The following NOX4 variants were observed in gnomAD, a reference collection of about 807,000 sequenced individuals.
NOX4 encodes kidney oxidase-1.
A neutral mutation model predicts 87.6 loss-of-function variants in NOX4; 69 were observed. The observed-to-expected ratio is 0.79, with a 90% confidence interval of 0.65 to 0.96. NOX4 has a LOEUF of 0.96. Among genes scored for constraint, NOX4 ranks in the 40% least tolerant of loss-of-function variants. The pLI is 0.00. For synonymous variants in NOX4, 275 were observed against 238.2 expected, an observed-to-expected ratio of 1.15 and a Z score of -1.42; for missense variants, 680 against 681.5, an observed-to-expected ratio of 1.00 and a Z score of 0.02.
intron 13 of NOX4, among the ~76,000 whole-genome samples, chr11:89,354,617 C>A (rs113556550): frequency 8.9e-4 from 135 of 152,162 alleles, no homozygotes; most frequent in African/African-American, 3.1e-3. Flanking sequence ...ATTTAAAGGA[C>A]AGTAAATAGA....
intron 14 of NOX4, 60 bp downstream of exon 14, chr11:89,342,014 G>C (rs538560840): frequency 6.7e-6 from 9 of 1,339,436 alleles, no homozygotes; most frequent in South Asian, 5.3e-5. Flanking sequence ...TAAAAAGAGA[G>C]ATATCAGAAA....
chr11:89,502,714 G>A (rs191334460), upstream of NOX4, among the ~76,000 whole-genome samples: 10 of 152,142 alleles, frequency 6.6e-5, no homozygotes, highest in East Asian at 1.9e-3. Context: ...TATTTTTGAT[G>A]TTGAGAAACA....
chr11:89,405,422 T>C (rs1005594733), intron 8 of NOX4, among the ~76,000 whole-genome samples: 2 of 152,094 alleles, frequency 1.3e-5, no homozygotes, highest in African/African-American at 4.8e-5. Flanking sequence ...CCATTAAAAC[T>C]GTCCTTACTT....
chr11:89,583,395 T>A, the NOX4 span, among the ~76,000 whole-genome samples: 1 of 152,196 alleles, frequency 6.6e-6, no homozygotes, highest in Admixed American at 6.5e-5. Flanking sequence ...CTTTCTTGAA[T>A]GGGATAAGTG....
chr11:89,374,576 T>C (rs991207548), intron 11 of NOX4, among the ~76,000 whole-genome samples: 1 of 152,132 alleles, frequency 6.6e-6, no homozygotes, highest in African/African-American at 2.4e-5. Context: ...AATTGAGTAA[T>C]TAAGGCTTAA....
chr11:89,402,755 T>C (rs1419590749), intron 8 of NOX4, among the ~76,000 whole-genome samples: 1 of 152,138 alleles, frequency 6.6e-6, no homozygotes, highest in African/African-American at 2.4e-5. Context: ...AAAACAAAAA[T>C]TTTGGCACTC....
At chr11:89,466,196 C>T (rs1270208116) in intron 2 of NOX4, among the ~76,000 whole-genome samples, 2 of 152,096 alleles carry the variant, frequency 1.3e-5, no homozygotes, top group African/African-American at 4.8e-5. Flanking sequence ...TTATACCAGC[C>T]TGAACCAAGA....
intron 2 of NOX4, among the ~76,000 whole-genome samples, chr11:89,484,977 G>T (rs1244145631): frequency 6.6e-6 from 1 of 152,052 alleles, no homozygotes; most frequent in Non-Finnish European, 1.5e-5. Context: ...ATTCTCAGCA[G>T]AATTAAAGCT....
At chr11:89,568,269 T>C in the NOX4 span, among the ~76,000 whole-genome samples, 2 of 152,038 alleles carry the variant, frequency 1.3e-5, no homozygotes, top group East Asian at 3.9e-4. Flanking sequence ...AAATTGAGAT[T>C]AAAATAAATA....
intron 2 of NOX4, among the ~76,000 whole-genome samples, chr11:89,481,072 T>C (rs965422195): frequency 2.0e-5 from 3 of 151,970 alleles, no homozygotes; most frequent in Admixed American, 1.3e-4. Flanking sequence ...ATGTTCCTAC[T>C]GACGAGCAAA....
chr11:89,553,127 A>G, the NOX4 span, among the ~76,000 whole-genome samples: 1 of 152,138 alleles, frequency 6.6e-6, no homozygotes, highest in Non-Finnish European at 1.5e-5. Flanking sequence ...TCCAACACAG[A>G]CAAGAGAACC....
chr11:89,459,848 T>TCA (rs1945370855), intron 2 of NOX4, among the ~76,000 whole-genome samples: 1 of 151,874 alleles, frequency 6.6e-6, no homozygotes, highest in Admixed American at 6.6e-5. Context: ...AGCCCACAAT[T>TCA]CCAAGTCAAT....
At chr11:89,336,597 A>C (rs951273596) in intron 16 of NOX4, among the ~76,000 whole-genome samples, 1 of 151,998 alleles carries the variant, frequency 6.6e-6, no homozygotes, top group Non-Finnish European at 1.5e-5. Context: ...GAAGAGTCAG[A>C]GTGAACTGCG....
intron 12 of NOX4, among the ~76,000 whole-genome samples, chr11:89,367,775 G>C (rs1381035860): frequency 6.6e-6 from 1 of 151,902 alleles, no homozygotes; most frequent in African/African-American, 2.4e-5. Context: ...TTTGGGAAAC[G>C]ACCAAGTTTC....
At chr11:89,463,711 G>C (rs1289221111) in intron 2 of NOX4, among the ~76,000 whole-genome samples, 1 of 151,858 alleles carries the variant, frequency 6.6e-6, no homozygotes, top group Non-Finnish European at 1.5e-5. Context: ...AATATGTCCA[G>C]TTAGGTTATT....
At chr11:89,542,525 A>T in the NOX4 span, among the ~76,000 whole-genome samples, 1 of 152,226 alleles carries the variant, frequency 6.6e-6, no homozygotes, top group African/African-American at 2.4e-5. Flanking sequence ...GTTGCAAAGT[A>T]ATAAAATATT....
chr11:89,335,523 C>T (rs1217596136), intron 17 of NOX4, among the ~76,000 whole-genome samples: 10 of 151,628 alleles, frequency 6.6e-5, no homozygotes, highest in Non-Finnish European at 3.0e-5. Context: ...ATTTTGAAAA[C>T]TTTTCCTAGG....
the NOX4 span, among the ~76,000 whole-genome samples, chr11:89,531,896 G>C: frequency 3.3e-5 from 5 of 152,224 alleles, no homozygotes; most frequent in African/African-American, 1.2e-4. Context: ...CTCCAACCAT[G>C]GCTAAAAGGG....
At chr11:89,506,101 A>G in the NOX4 span, among the ~76,000 whole-genome samples, 1 of 151,842 alleles carries the variant, frequency 6.6e-6, no homozygotes, top group Non-Finnish European at 1.5e-5. Flanking sequence ...GCATAAATAG[A>G]TCCACACACA....
Sources: allele counts gnomAD v4.1 joint callset (sites outside exome capture counted in the v4.1 genomes callset), GRCh38; gene constraint gnomAD v4.1.1; transcripts MANE v1.5; gene names NCBI Gene and HGNC (gene_info 2026-07-23, HGNC 2026-07-21).